Variants in CNTFR observed in about 807,000 individuals in gnomAD.
The protein encoded by CNTFR is ciliary neurotrophic factor receptor subunit alpha.
Under a neutral mutation model 40.4 loss-of-function variants are expected in CNTFR, and 12 were observed. That is an observed-to-expected ratio of 0.30 (90% confidence interval 0.19 to 0.48). CNTFR has a LOEUF of 0.48. Among genes scored for constraint, CNTFR ranks in the 20% least tolerant of loss-of-function variants. The pLI, the probability that CNTFR is intolerant of heterozygous loss-of-function variation, is 0.99. For synonymous variants in CNTFR, 202 were observed against 209.6 expected, an observed-to-expected ratio of 0.96 and a Z score of 0.31; for missense variants, 414 against 506.8, an observed-to-expected ratio of 0.82 and a Z score of 1.76.
chr9:34,581,056 CCT>C (rs1162616719), intron 2 of CNTFR, 37 bp downstream of exon 2: 1 of 152,590 alleles, frequency 6.6e-6, no homozygotes, highest in African/African-American at 2.4e-5. Context: ...TGCCTGATTC[CCT>C]GAGATTGATC....
rs2132280401 is a variant in CNTFR, at chr9:34,589,682, G to C, written c.-239C>G. The stretch of plus-strand genomic sequence containing the variant: ...GCCGAGCCTCGCGCCGCGCCGGCTG[G>C]AGCCGCCGCCTCCGCTGCCGCCGCC... On this transcript the variant is annotated 5_prime_UTR_variant, in exon 1 of 10. Coordinates refer to ENST00000378980, the MANE Select transcript of CNTFR (RefSeq NM_147164.3). The surrounding 1 kb of genome is among the most constrained non-coding windows in gnomAD (Gnocchi z 4.4). 3 of 157,100 alleles carry C rather than the reference G, an allele frequency of 1.9e-5. No individual in the cohort carries two copies. The South Asian group carries it at 5.2e-4, about 27-fold the overall frequency. The allele number at this position is 157,100 out of a possible 1,614,324, so 9.7% of individuals were successfully genotyped here. A position where few individuals can be genotyped will look rare whatever the true frequency, so the allele number is the denominator to read the frequency against.
Position 34,564,179 on chromosome 9 carries a change from T to C in CNTFR, c.319+420A>G, listed in dbSNP as rs1441907980. Among the ~76,000 whole-genome samples the C allele has an allele frequency of 2.6e-5, 4 of 152,186 alleles. No individual in the cohort carries two copies. In the East Asian group the frequency reaches 5.8e-4, roughly 22 times the overall value. On this transcript the variant is annotated intron_variant, in intron 4 of 9. Coordinates refer to ENST00000378980, the MANE Select transcript of CNTFR (RefSeq NM_147164.3). ...CCTCCTGGAGCGCCTTGCCTGTACC[T>C]GCATAACCACATATCCCACTTCCCT...
chr9:34,556,321 G>C lies in CNTFR; in HGVS notation c.702C>G (p.Asp234Glu). The C allele has an allele frequency of 6.2e-7, 1 of 1,613,944 alleles. No individual in the cohort carries two copies. Among genetic ancestry groups the C allele is most frequent in the Non-Finnish European group, 8.5e-7 (1 of 1,179,980 alleles). ...VTWQTPSTWP[D>E]PESFPLKFFL... The stretch of plus-strand genomic sequence containing the variant: ...AGAACTTGAGAGGAAAAGACTCAGG[G>C]TCAGGCCAGGTCGAGGGGGTCTGCC... Residue 234 changes from aspartate to glutamate, a missense_variant, in exon 7 of 10, where the codon GAC (aspartate) becomes GAG (glutamate). By Grantham distance (45) the Asp-to-Glu change is conservative. This residue lies in a region of CNTFR where 83 missense variants were observed against 145.0 expected (regional missense o/e 0.57). Transcript: ENST00000378980.
At chr9:34,587,378 C>T (rs1291049500) in intron 1 of CNTFR, among the ~76,000 whole-genome samples, 2 of 152,140 alleles carry the variant, frequency 1.3e-5, no homozygotes, top group African/African-American at 4.8e-5. Context: ...CATCAGAATC[C>T]TACTGTGAGT....
At chr9:34,564,094 G>A (rs1030443136) in intron 4 of CNTFR, among the ~76,000 whole-genome samples, 6 of 152,026 alleles carry the variant, frequency 3.9e-5, no homozygotes, top group Admixed American at 6.6e-5. Context: ...CTAAATCACC[G>A]TTCGCTTCCC....
chr9:34,556,264 C>A lies in CNTFR; in HGVS notation c.759G>T (p.Gln253His). The A allele has an allele frequency of 6.2e-7, 1 of 1,612,460 alleles. No homozygotes were observed. Among genetic ancestry groups the A allele is most frequent in the Non-Finnish European group, 8.5e-7 (1 of 1,179,408 alleles). ...CGGGCAGGGCACTCACATGCTGCCA[C>A]TGGTCCAGGATGAGGGGTCGGTAGC... ...FLRYRPLILDQWQHVELSDGT... is the reference protein window; with the variant it reads ...FLRYRPLILDHWQHVELSDGT... The change falls in exon 7 of 10, where the codon CAG becomes CAT. Residue 253 changes from glutamine to histidine, a missense_variant. Physicochemically the swap from Gln to His is conservative, Grantham distance 24. Around this residue, in one of 3 missense-constraint regions of CNTFR, gnomAD observed 83 missense variants for 145.0 expected, o/e 0.57. Transcript: ENST00000378980.
intron 4 of CNTFR, among the ~76,000 whole-genome samples, chr9:34,559,518 G>A (rs1437228758): frequency 6.6e-6 from 1 of 152,228 alleles, no homozygotes; most frequent in African/African-American, 2.4e-5. Context: ...CCCTTGGGAA[G>A]CCTTCCGGGC....
At chr9:34,562,977 T>TC (rs1243187273) in intron 4 of CNTFR, among the ~76,000 whole-genome samples, 1 of 152,134 alleles carries the variant, frequency 6.6e-6, no homozygotes, top group Non-Finnish European at 1.5e-5. Context: ...TCTTTAGGGC[T>TC]CAATTCTGGG....
intron 7 of CNTFR, among the ~76,000 whole-genome samples, chr9:34,553,294 T>C (rs1587115858): frequency 6.6e-6 from 1 of 151,736 alleles, no homozygotes; most frequent in Middle Eastern, 3.4e-3. Context: ...AGAGGGGAGG[T>C]TGACACACTG....
chr9:34,577,357 TA>T (rs1827027774), intron 2 of CNTFR, among the ~76,000 whole-genome samples: 1 of 152,024 alleles, frequency 6.6e-6, no homozygotes, highest in South Asian at 2.1e-4. Flanking sequence ...GGTAATGCCA[TA>T]AAGCCAGGTG....
intron 7 of CNTFR, among the ~76,000 whole-genome samples, chr9:34,553,460 G>A (rs1346401625): frequency 6.6e-6 from 1 of 152,194 alleles, no homozygotes; most frequent in African/African-American, 2.4e-5. Context: ...ACCAAGGCAT[G>A]AGGACAGCAT....
At chr9:34,577,485 C>A (rs1827035678) in intron 2 of CNTFR, among the ~76,000 whole-genome samples, 1 of 152,192 alleles carries the variant, frequency 6.6e-6, no homozygotes, top group Non-Finnish European at 1.5e-5. Context: ...TGAAATCAGG[C>A]AGTGGGGACT....
chr9:34,585,122 T>C (rs1016957768), intron 1 of CNTFR, among the ~76,000 whole-genome samples: 2 of 152,172 alleles, frequency 1.3e-5, no homozygotes, highest in African/African-American at 4.8e-5. Flanking sequence ...TTCGGTCCAA[T>C]GAGACAGAAA....
At chr9:34,567,551 A>G (rs576634726) in intron 3 of CNTFR, among the ~76,000 whole-genome samples, 1 of 152,294 alleles carries the variant, frequency 6.6e-6, no homozygotes, top group African/African-American at 2.4e-5. Context: ...ACGAGATCAC[A>G]TGTACACGTA....
intron 4 of CNTFR, among the ~76,000 whole-genome samples, chr9:34,562,011 G>T (rs550963574): frequency 6.6e-6 from 1 of 152,172 alleles, no homozygotes. Flanking sequence ...TGTCCCGTGG[G>T]TATAGACTAT....
At position 34,557,764 on chromosome 9, in the gene CNTFR, C is replaced by G. The variant is rs1424744252; in HGVS notation, c.438-72G>C. On this transcript the variant is annotated intron_variant, in intron 5 of 9. Transcript: ENST00000378980. This position sits in a 1 kb window ranked among gnomAD's most constrained non-coding sequence, Gnocchi z 4.2. ...GGTGGGGCAGAGGTTGAGGAAAGGT[C>G]AAGCCCAAGGCAGGGCTGGGGTATG... 5.6e-6 allele frequency: 9 copies of G among 1,596,380 alleles called. No homozygotes were observed. In the Admixed American group the frequency reaches 1.5e-4, roughly 27 times the overall value.
At chr9:34,562,279 G>C (rs1826106175) in intron 4 of CNTFR, among the ~76,000 whole-genome samples, 1 of 152,174 alleles carries the variant, frequency 6.6e-6, no homozygotes, top group African/African-American at 2.4e-5. Flanking sequence ...CTCCACTTCT[G>C]ATGGACCCCA....
At chr9:34,571,006 ATC>A (rs1291948742) in intron 2 of CNTFR, among the ~76,000 whole-genome samples, 1 of 151,848 alleles carries the variant, frequency 6.6e-6, no homozygotes, top group Non-Finnish European at 1.5e-5. Flanking sequence ...GGCACAGTAA[ATC>A]TCTCTGTGTC....
At chr9:34,558,701 T>C (rs1181935774) in intron 4 of CNTFR, among the ~76,000 whole-genome samples, 1 of 152,144 alleles carries the variant, frequency 6.6e-6, no homozygotes, top group Non-Finnish European at 1.5e-5. Flanking sequence ...GTTCCCTTTG[T>C]GTGTACCTCA....
Sources: allele counts gnomAD v4.1 joint callset (sites outside exome capture counted in the v4.1 genomes callset), GRCh38; gene constraint gnomAD v4.1.1; regional missense constraint gnomAD v4.1.1; non-coding constraint Gnocchi (gnomAD v3.1); transcripts MANE v1.5; gene names NCBI Gene and HGNC (gene_info 2026-07-23, HGNC 2026-07-21).